MTHFD2L: variants seen among roughly 807,000 people sequenced by gnomAD.
MTHFD2L encodes bifunctional methylenetetrahydrofolate dehydrogenase/cyclohydrolase 2, mitochondrial.
In MTHFD2L, 29 loss-of-function variants were observed where a neutral mutation model predicts 34.9. The ratio of observed to expected loss-of-function variants is 0.83; its 90% confidence interval spans 0.62 to 1.13. The LOEUF is 1.13. Among genes scored for constraint, MTHFD2L ranks in the 50% most tolerant of loss-of-function variants. MTHFD2L has a pLI of 0.00. For missense variants in MTHFD2L, 481 were observed against 446.5 expected (o/e 1.08, Z -0.70); for synonymous variants, 167 against 155.7 (o/e 1.07, Z -0.54).
intron 1 of MTHFD2L, among the ~76,000 whole-genome samples, chr4:74,126,787 T>G (rs914350231): frequency 2.0e-5 from 3 of 152,122 alleles, no homozygotes; most frequent in African/African-American, 4.8e-5. Flanking sequence ...ATTTTTTCAT[T>G]AATACATAAT....
At chr4:74,138,107 A>G (rs1723057155) in intron 1 of MTHFD2L, among the ~76,000 whole-genome samples, 1 of 152,214 alleles carries the variant, frequency 6.6e-6, no homozygotes, top group East Asian at 1.9e-4. Context: ...AAATAAATAA[A>G]TAAGTAAATT....
chr4:74,117,636 G>T (rs1243836835), intron 2 of MTHFD2L, among the ~76,000 whole-genome samples: 8 of 152,146 alleles, frequency 5.3e-5, no homozygotes, highest in African/African-American at 1.9e-4. Flanking sequence ...AAACATTTGG[G>T]GTCATTTCTT....
chr4:74,235,978 T>C (rs1481136742), intron 6 of MTHFD2L, among the ~76,000 whole-genome samples: 2 of 152,222 alleles, frequency 1.3e-5, no homozygotes, highest in Non-Finnish European at 2.9e-5. Flanking sequence ...ACTTCATAAA[T>C]GTTTAATTTT....
chr4:74,301,957 A>G lies in MTHFD2L; in HGVS notation c.*148A>G, dbSNP rs1750378529. On this transcript the variant is annotated 3_prime_UTR_variant, in exon 8 of 8. Transcript: ENST00000325278. ...AATCATTGTGAATCAATTGATTCAC[A>G]TAGTTTTATGCATTTCCTGCTAATT... is the stretch of plus-strand genomic sequence containing the variant. 2 of 454,580 alleles carry G rather than the reference A, an allele frequency of 4.4e-6. No homozygotes were observed. The highest frequency in any genetic ancestry group is 4.2e-5 in the Admixed American group (1 of 23,856). 28.2% of individuals were successfully genotyped at this position (454,580 alleles called of 1,614,324 possible). A position where few individuals can be genotyped will look rare whatever the true frequency, so the allele number is the denominator to read the frequency against.
At chr4:74,254,158 A>C (rs1232294864) in intron 6 of MTHFD2L, among the ~76,000 whole-genome samples, 1 of 152,152 alleles carries the variant, frequency 6.6e-6, no homozygotes, top group East Asian at 1.9e-4. Context: ...AACTTCTAAA[A>C]TCTGCAGAGG....
intron 1 of MTHFD2L, among the ~76,000 whole-genome samples, chr4:74,135,853 CAG>C (rs1722878716): frequency 6.6e-6 from 1 of 152,030 alleles, no homozygotes; most frequent in Non-Finnish European, 1.5e-5. Context: ...ACGACATTAA[CAG>C]AATCGAGAAT....
chr4:74,226,037 TTTATA>T (rs1739111752), intron 6 of MTHFD2L, among the ~76,000 whole-genome samples: 1 of 152,066 alleles, frequency 6.6e-6, no homozygotes, highest in Non-Finnish European at 1.5e-5. Context: ...AGCCCAAACT[TTTATA>T]ATAATAAAAG....
intron 5 of MTHFD2L, among the ~76,000 whole-genome samples, chr4:74,223,055 C>T (rs1336302962): frequency 1.3e-5 from 2 of 152,156 alleles, no homozygotes; most frequent in Admixed American, 6.6e-5. Context: ...AACAGAGCTG[C>T]CATTCGACCC....
At chr4:74,218,338 A>G (rs1223521947) in intron 5 of MTHFD2L, among the ~76,000 whole-genome samples, 1 of 152,132 alleles carries the variant, frequency 6.6e-6, no homozygotes, top group Non-Finnish European at 1.5e-5. Flanking sequence ...AAGCTGGCAC[A>G]TGGACAGTGC....
chr4:74,201,315 A>T lies in MTHFD2L; in HGVS notation c.657A>T (p.Val219=). 1 of 1,613,842 alleles carries T rather than the reference A, an allele frequency of 6.2e-7. No homozygotes were observed. The part of the protein sequence containing the change: ...NVVVAGRSKN[V]GMPIAMLLHT... ...TTGTGGCTGGAAGATCCAAGAACGT[A>T]GGGATGCCTATTGCCATGCTTTTAC... is the stretch of plus-strand genomic sequence containing the variant. The change falls in exon 5 of 8, where the codon GTA becomes GTT. Residue 219 remains valine (V), a synonymous_variant. Coordinates refer to ENST00000325278, the MANE Select transcript of MTHFD2L (RefSeq NM_001144978.3).
intron 1 of MTHFD2L, among the ~76,000 whole-genome samples, chr4:74,169,918 C>CA (rs1727535122): frequency 6.6e-6 from 1 of 152,114 alleles, no homozygotes; most frequent in Non-Finnish European, 1.5e-5. Context: ...GCACAAGCTA[C>CA]AAAAATCACT....
At chr4:74,288,428 G>A (rs948320859) in intron 7 of MTHFD2L, 3 of 152,210 alleles carry the variant, frequency 2.0e-5, no homozygotes, top group African/African-American at 7.2e-5. Context: ...TACAAGGGAT[G>A]TGGAATCCAT....
upstream of MTHFD2L, among the ~76,000 whole-genome samples, chr4:74,153,578 A>G (rs867088587): frequency 4.6e-5 from 7 of 152,342 alleles, no homozygotes; most frequent in Middle Eastern, 3.4e-3. Context: ...CACATTGAGG[A>G]TTAAAACAGG....
intron 3 of MTHFD2L, among the ~76,000 whole-genome samples, chr4:74,198,782 CT>C (rs1442770171): frequency 2.0e-5 from 3 of 152,130 alleles, no homozygotes; most frequent in African/African-American, 7.2e-5. Context: ...AATGGAGAGA[CT>C]TTCCAAAGAC....
At chr4:74,217,019 A>G (rs1737318381) in intron 5 of MTHFD2L, among the ~76,000 whole-genome samples, 1 of 151,798 alleles carries the variant, frequency 6.6e-6, no homozygotes, top group Non-Finnish European at 1.5e-5. Flanking sequence ...ACGATATGCA[A>G]GACCTTATAT....
At chr4:74,136,615 G>T (rs571197256) in intron 1 of MTHFD2L, among the ~76,000 whole-genome samples, 1 of 152,036 alleles carries the variant, frequency 6.6e-6, no homozygotes, top group African/African-American at 2.4e-5. Flanking sequence ...TCACAGAAAT[G>T]TTTTAAAAAT....
At chr4:74,126,759 T>A (rs751308811) in intron 1 of MTHFD2L, among the ~76,000 whole-genome samples, 7 of 152,126 alleles carry the variant, frequency 4.6e-5, no homozygotes, top group Non-Finnish European at 8.8e-5. Flanking sequence ...ATGATTATTG[T>A]ATACTTTATA....
At chr4:74,153,531 C>G (rs957694870), upstream of MTHFD2L, among the ~76,000 whole-genome samples, 2 of 152,094 alleles carry the variant, frequency 1.3e-5, no homozygotes, top group African/African-American at 4.8e-5. Context: ...TGATTTAACT[C>G]AAAGGAATTC....
At chr4:74,292,641 CATG>C in intron 7 of MTHFD2L, among the ~76,000 whole-genome samples, 1 of 152,114 alleles carries the variant, frequency 6.6e-6, no homozygotes, top group Non-Finnish European at 1.5e-5. Context: ...TTTTTAAAGA[CATG>C]ATGAAAGGGA....
Sources: gnomAD v4.1 joint callset for allele counts (sites outside exome capture counted in the v4.1 genomes callset) on GRCh38, gnomAD v4.1.1 for gene constraint, MANE v1.5 for transcripts, NCBI Gene and HGNC (gene_info 2026-07-23, HGNC 2026-07-21) for gene names.